The following CAST variants were observed in gnomAD, a reference collection of about 807,000 sequenced individuals.
The protein encoded by CAST is calpastatin.
CAST carries 76 observed loss-of-function variants against 119.6 expected under a neutral mutation model. The observed-to-expected ratio is 0.64, with a 90% CI of 0.53 to 0.77. CAST has a LOEUF of 0.77. CAST is among the 30% of genes least tolerant of loss of function. CAST has a pLI of 0.00. For missense variants in CAST, 953 were observed against 946.5 expected (o/e 1.01, Z -0.09); for synonymous variants, 319 against 331.6 (o/e 0.96, Z 0.41).
chr5:96,409,708 G>A, the CAST span, among the ~76,000 whole-genome samples: 5 of 152,184 alleles, frequency 3.3e-5, no homozygotes, highest in African/African-American at 1.2e-4. Flanking sequence ...GACAAGTGGG[G>A]CAGATGTCTG....
chr5:96,221,547 A>G, the CAST span, among the ~76,000 whole-genome samples: 2 of 152,172 alleles, frequency 1.3e-5, no homozygotes, highest in Admixed American at 6.5e-5. Context: ...AATAAACGTA[A>G]CCAAGGCAGT....
At chr5:96,006,748 T>C in the CAST span, among the ~76,000 whole-genome samples, 1 of 152,232 alleles carries the variant, frequency 6.6e-6, no homozygotes, top group African/African-American at 2.4e-5. Flanking sequence ...CCACGGCGAA[T>C]GTACAGTGCT....
the CAST span, among the ~76,000 whole-genome samples, chr5:96,374,060 G>A: frequency 2.8e-4 from 42 of 152,266 alleles, no homozygotes; most frequent in Admixed American, 2.4e-3. Flanking sequence ...TAAAACATGT[G>A]TAAAAACATT....
chr5:96,445,895 C>T, the CAST span, among the ~76,000 whole-genome samples: 1 of 152,188 alleles, frequency 6.6e-6, no homozygotes, highest in Non-Finnish European at 1.5e-5. Context: ...GGCACCCAGG[C>T]TGGAGTGCAG....
chr5:96,148,533 C>T, the CAST span, among the ~76,000 whole-genome samples: 1 of 152,200 alleles, frequency 6.6e-6, no homozygotes, highest in Non-Finnish European at 1.5e-5. Flanking sequence ...CCCCACTGAA[C>T]AGATGAAGAA....
chr5:96,682,523 T>C (rs1255873908), intron 2 of CAST, among the ~76,000 whole-genome samples: 2 of 152,158 alleles, frequency 1.3e-5, no homozygotes, highest in Non-Finnish European at 1.5e-5. Context: ...TTTCTTCTTA[T>C]TCTGTATCAT....
the CAST span, among the ~76,000 whole-genome samples, chr5:96,184,141 T>G: frequency 2.6e-5 from 4 of 152,146 alleles, no homozygotes; most frequent in African/African-American, 4.8e-5. Context: ...ACAATGATGC[T>G]CTCAGATTAA....
the CAST span, among the ~76,000 whole-genome samples, chr5:96,201,055 A>G: frequency 2.6e-5 from 4 of 152,182 alleles, no homozygotes; most frequent in African/African-American, 9.6e-5. Context: ...CAGATATCCA[A>G]AGTATTTTTG....
the CAST span, among the ~76,000 whole-genome samples, chr5:96,378,641 A>C: frequency 6.6e-6 from 1 of 152,132 alleles, no homozygotes; most frequent in African/African-American, 2.4e-5. Flanking sequence ...ATCCTTTAAA[A>C]GTCCTAGAAT....
chr5:96,365,362 C>T, the CAST span, among the ~76,000 whole-genome samples: 1 of 152,152 alleles, frequency 6.6e-6, no homozygotes, highest in Non-Finnish European at 1.5e-5. Context: ...GAGCTGAGTT[C>T]AATTCCCAGA....
At chr5:96,538,754 C>T (rs1476007417) in intron 1 of CAST, among the ~76,000 whole-genome samples, 2 of 43,238 alleles carry the variant, frequency 4.6e-5, no homozygotes, top group African/African-American at 1.4e-4. Flanking sequence ...ACACACCGCT[C>T]CCTCAGAAAT....
intron 3 of CAST, among the ~76,000 whole-genome samples, chr5:96,700,507 G>T (rs1753748155): frequency 6.6e-6 from 1 of 152,124 alleles, no homozygotes; most frequent in East Asian, 1.9e-4. Context: ...GAAGATTCTG[G>T]TTTAGGAAGT....
the CAST span, among the ~76,000 whole-genome samples, chr5:96,419,626 G>A: frequency 6.6e-6 from 1 of 151,686 alleles, no homozygotes; most frequent in African/African-American, 2.4e-5. Flanking sequence ...TAACTGTTGG[G>A]CTATGACATG....
the CAST span, among the ~76,000 whole-genome samples, chr5:96,299,817 G>A: frequency 6.6e-6 from 1 of 151,964 alleles, no homozygotes; most frequent in Non-Finnish European, 1.5e-5. Context: ...ATATATCTTT[G>A]AGGTACAAAG....
the CAST span, among the ~76,000 whole-genome samples, chr5:96,402,828 A>G: frequency 6.6e-6 from 1 of 152,138 alleles, no homozygotes; most frequent in Non-Finnish European, 1.5e-5. Context: ...TGACTGACAG[A>G]GAGGCCTTGG....
At chr5:96,632,856 T>A (rs952214606) in intron 1 of CAST, among the ~76,000 whole-genome samples, 1 of 152,368 alleles carries the variant, frequency 6.6e-6, no homozygotes, top group South Asian at 2.1e-4. Context: ...AAGTGTGAGT[T>A]CTCCAACTTT....
At chr5:96,325,511 G>A in the CAST span, among the ~76,000 whole-genome samples, 2 of 145,158 alleles carry the variant, frequency 1.4e-5, no homozygotes, top group African/African-American at 2.6e-5. Flanking sequence ...ACGGAGACTC[G>A]CTCTGTTGCC....
At chr5:95,963,336 A>C in the CAST span, among the ~76,000 whole-genome samples, 1 of 152,176 alleles carries the variant, frequency 6.6e-6, no homozygotes, top group South Asian at 2.1e-4. Flanking sequence ...TTTGATTCAG[A>C]CCTTCAAACA....
chr5:96,118,106 A>G, the CAST span, among the ~76,000 whole-genome samples: 1 of 152,206 alleles, frequency 6.6e-6, no homozygotes, highest in Non-Finnish European at 1.5e-5. Context: ...AAATGTTTAC[A>G]TGAGTTGAAT....
Sources: gnomAD v4.1 joint callset for allele counts (sites outside exome capture counted in the v4.1 genomes callset) on GRCh38, gnomAD v4.1.1 for gene constraint, MANE v1.5 for transcripts, NCBI Gene and HGNC (gene_info 2026-07-23, HGNC 2026-07-21) for gene names.